Variants in CMTR1 observed in about 807,000 individuals in gnomAD.
The protein encoded by CMTR1 is cap methyltransferase 1, also known as cap-specific mRNA (nucleoside-2'-O-)-methyltransferase 1.
In CMTR1, 39 loss-of-function variants were observed where a neutral mutation model predicts 107.0. That is an observed-to-expected ratio of 0.36 (90% confidence interval 0.28 to 0.48). The LOEUF (loss-of-function observed/expected upper bound fraction) is 0.48. Ranked by LOEUF, CMTR1 falls within the 20% of genes least tolerant of loss-of-function variation. The pLI is 0.99. For missense variants in CMTR1, 672 were observed against 1,064.9 expected, an observed-to-expected ratio of 0.63 and a Z score of 5.14; for synonymous variants, 366 against 379.5, an observed-to-expected ratio of 0.96 and a Z score of 0.41.
chr6:37,476,291 C>T, intron 20 of CMTR1, 97 bp downstream of exon 20: 2 of 1,268,902 alleles, frequency 1.6e-6, no homozygotes, highest in Non-Finnish European at 2.3e-6. Flanking sequence ...GGGCACTAGG[C>T]AAGTGGGTGT....
At chr6:37,451,424 G>A (rs1367666100) in intron 5 of CMTR1, among the ~76,000 whole-genome samples, 3 of 152,166 alleles carry the variant, frequency 2.0e-5, no homozygotes, top group Non-Finnish European at 4.4e-5. Flanking sequence ...ACTCATCACA[G>A]AGAGGCTTCC....
In CMTR1 at chr6:37,470,303, C is replaced by T. The variant is rs542476291; in HGVS notation, c.1506-718C>T. 8.4e-4 allele frequency among the ~76,000 whole-genome samples: 128 copies of T among 152,164 alleles called. No individual in the cohort carries two copies. In the Middle Eastern group the frequency reaches 0.01, roughly 12 times the overall value. The stretch of plus-strand genomic sequence containing the variant: ...CTGGGACTACAGGCGCCCGCCACCA[C>T]GCCCGGCTGATTTTTTGTATTTTTA... On this transcript the variant is annotated intron_variant, in intron 13 of 23. Coordinates refer to ENST00000373451, the MANE Select transcript of CMTR1 (RefSeq NM_015050.3).
In CMTR1 at chr6:37,480,117, T is replaced by C; in HGVS notation, c.2480T>C (p.Leu827Pro). The change falls in exon 24 of 24, where the codon CTC (leucine) becomes CCC (proline). Residue 827 changes from leucine to proline, a missense_variant. This residue lies in a region of CMTR1 where 583 missense variants were observed against 968.4 expected (regional missense o/e 0.60). Transcript: ENST00000373451. ...GACAAGCTGTCCAAGGAGGACGTCC[T>C]CTCCTTCATCCAGATGCACAGGGCC... The part of the protein sequence containing the change: ...DQDKLSKEDV[L>P]SFIQMHRA 1 of 1,600,318 alleles carries C rather than the reference T, an allele frequency of 6.2e-7. No individual in the cohort carries two copies. Among genetic ancestry groups the C allele is most frequent in the Non-Finnish European group, 8.5e-7 (1 of 1,173,962 alleles).
Position 37,480,449 on chromosome 6 carries a change from A to G in CMTR1, c.*304A>G. On this transcript the variant is annotated 3_prime_UTR_variant, in exon 24 of 24. Coordinates refer to ENST00000373451, the MANE Select transcript of CMTR1 (RefSeq NM_015050.3). ...CTAGGGCACGTGGGACTGATGGAGGACATATCAGAGTGGCAGAGCTGTGGG... is the reference window on the plus strand; with the variant it reads ...CTAGGGCACGTGGGACTGATGGAGGGCATATCAGAGTGGCAGAGCTGTGGG... 8.3e-7 allele frequency: 1 copy of G among 1,203,884 alleles called. No individual in the cohort carries two copies. Among genetic ancestry groups the G allele is most frequent in the Non-Finnish European group, 1.0e-6 (1 of 967,108 alleles). 74.6% of individuals were successfully genotyped at this position (1,203,884 alleles called of 1,614,324 possible).
chr6:37,479,331 G>A (rs948446494), intron 23 of CMTR1, 76 bp downstream of exon 23: 19 of 1,047,446 alleles, frequency 1.8e-5, no homozygotes, highest in Non-Finnish European at 2.8e-5. Context: ...AGCTGTCTTG[G>A]GGGCACACCC....
At chr6:37,455,214 A>G (rs1294496369) in intron 8 of CMTR1, among the ~76,000 whole-genome samples, 1 of 151,822 alleles carries the variant, frequency 6.6e-6, no homozygotes, top group Non-Finnish European at 1.5e-5. Context: ...CCTCCCAAGT[A>G]CTGGGATTAC....
intron 13 of CMTR1, 68 bp downstream of exon 13, chr6:37,463,076 G>A (rs1761435266): frequency 3.4e-6 from 5 of 1,483,698 alleles, no homozygotes; most frequent in Non-Finnish European, 4.7e-6. Flanking sequence ...GTGAAAGACT[G>A]AATGGTTGGC....
intron 3 of CMTR1, among the ~76,000 whole-genome samples, chr6:37,445,293 A>G (rs1353246971): frequency 6.6e-6 from 1 of 152,206 alleles, no homozygotes; most frequent in Non-Finnish European, 1.5e-5. Context: ...CTCCAGGGAA[A>G]TTTAGATCTT....
the CMTR1 span, among the ~76,000 whole-genome samples, chr6:37,425,206 T>G: frequency 6.7e-6 from 1 of 149,280 alleles, no homozygotes; most frequent in Non-Finnish European, 1.5e-5. Context: ...CCTCCCAAAG[T>G]GCTGGGAAAT....
At chr6:37,462,474 C>G (rs1305898687) in intron 12 of CMTR1, among the ~76,000 whole-genome samples, 1 of 152,212 alleles carries the variant, frequency 6.6e-6, no homozygotes, top group African/African-American at 2.4e-5. Flanking sequence ...AGAGAAAATG[C>G]AACCAATCAG....
chr6:37,465,806 G>A (rs1416090266), intron 13 of CMTR1, among the ~76,000 whole-genome samples: 1 of 130,038 alleles, frequency 7.7e-6, no homozygotes, highest in Non-Finnish European at 1.6e-5. Flanking sequence ...ACCTTTGGCT[G>A]TTTTTAATTG....
chr6:37,436,043 TAGA>T (rs1771521772), intron 2 of CMTR1, among the ~76,000 whole-genome samples: 1 of 152,216 alleles, frequency 6.6e-6, no homozygotes, highest in South Asian at 2.1e-4. Flanking sequence ...TTAAACCAGT[TAGA>T]AGTAGTGGTG....
intron 2 of CMTR1, among the ~76,000 whole-genome samples, chr6:37,442,401 T>C (rs1771694579): frequency 6.6e-6 from 1 of 152,266 alleles, no homozygotes; most frequent in African/African-American, 2.4e-5. Context: ...AGGAGTCATA[T>C]ACTCTGTAGG....
In CMTR1 at chr6:37,451,596, G is replaced by C. The variant is rs149728487; in HGVS notation, c.538-210G>C. Among the ~76,000 whole-genome samples, 638 of 152,268 alleles carry C rather than the reference G, an allele frequency of 4.2e-3. 5 individuals are homozygous for C. The highest frequency in any genetic ancestry group is 0.014 in the African/African-American group (563 of 41,546). ...GTGCTCTACTCAGAGCTCCTGGGGTGGGGGTGAGGGGGTGCTTCATCTCAC... is the reference window on the plus strand; with the variant it reads ...GTGCTCTACTCAGAGCTCCTGGGGTCGGGGTGAGGGGGTGCTTCATCTCAC... On this transcript the variant is annotated intron_variant, in intron 5 of 23. Transcript: ENST00000373451.
chr6:37,464,635 A>G (rs538759193), intron 13 of CMTR1, among the ~76,000 whole-genome samples: 9 of 152,014 alleles, frequency 5.9e-5, no homozygotes, highest in African/African-American at 2.2e-4. Flanking sequence ...TTTGAGATTC[A>G]TTCATATTAT....
At chr6:37,461,522 AC>A (rs753842091) in intron 10 of CMTR1, 26 bp from the exon 11 acceptor site, 18 of 1,340,760 alleles carry the variant, frequency 1.3e-5, no homozygotes, top group East Asian at 2.3e-5. Context: ...TCTCTTTCCC[AC>A]CCCATTCCTT....
chr6:37,453,051 T>C lies in CMTR1; in HGVS notation c.614T>C (p.Val205Ala). Residue 205 changes from valine (V) to alanine (A), a missense_variant, in exon 7 of 24, where the codon GTG (valine) becomes GCG (alanine). Transcript: ENST00000373451. ...LLHSVLQCKS[V>A]FDVLDGEEMR... ...AGGTTCTGATTCTCTGGGCAGAGCG[T>C]GTTTGATGTCTTGGATGGGGAAGAG... 6.2e-7 allele frequency: 1 copy of C among 1,613,932 alleles called. No individual in the cohort carries two copies. Among genetic ancestry groups the C allele is most frequent in the Non-Finnish European group, 8.5e-7 (1 of 1,179,926 alleles).
At position 37,459,547 on chromosome 6, in the gene CMTR1, G is replaced by T; in HGVS notation, c.977-19G>T. 1 of 1,603,968 alleles carries T rather than the reference G, an allele frequency of 6.2e-7. No individual in the cohort carries two copies. Among genetic ancestry groups the T allele is most frequent in the South Asian group, 1.1e-5 (1 of 90,852 alleles). On this transcript the variant is annotated intron_variant, in intron 9 of 23. Transcript: ENST00000373451. ...TGTATAGGGCAGATGAACTCACTAT[G>T]ACTCTTGTATTCTGACAGGTGAGGG... is the stretch of plus-strand genomic sequence containing the variant.
At chr6:37,431,435 C>A (rs968559149), upstream of CMTR1, among the ~76,000 whole-genome samples, 2 of 152,182 alleles carry the variant, frequency 1.3e-5, no homozygotes, top group Non-Finnish European at 2.9e-5. Flanking sequence ...TTGAACATAT[C>A]ACTCAACCTT....
Sources: gnomAD v4.1 joint callset for allele counts (sites outside exome capture counted in the v4.1 genomes callset) on GRCh38, gnomAD v4.1.1 for gene constraint, gnomAD v4.1.1 regional missense constraint, MANE v1.5 for transcripts, NCBI Gene and HGNC (gene_info 2026-07-23, HGNC 2026-07-21) for gene names.